Variants in CCNY observed in about 807,000 individuals in gnomAD.
The protein encoded by CCNY is cyclin Y.
Under a neutral mutation model 42.8 loss-of-function variants are expected in CCNY, and 19 were observed. The ratio of observed to expected loss-of-function variants is 0.44; its 90% confidence interval spans 0.31 to 0.65. The LOEUF is 0.65. Ranked by LOEUF, CCNY falls within the 30% of genes least tolerant of loss-of-function variation. The probability of loss-of-function intolerance (pLI) is 0.07; values close to 1 mark genes in which losing one functional copy is unlikely to be tolerated. For synonymous variants in CCNY, 165 were observed against 162.7 expected (o/e 1.01, Z -0.11); for missense variants, 370 against 437.3 (o/e 0.85, Z 1.37).
chr10:35,501,486 CT>C lies in CCNY; in HGVS notation c.230-11del. ...CAGGCATATAACATTTCTGTTGCAT[CT>C]TTTGTTTTCACAGTGAGAGAAAAAC... On this transcript the variant is annotated splice_polypyrimidine_tract_variant and intron_variant, in intron 2 of 9. Transcript: ENST00000374704. The C allele has an allele frequency of 6.2e-7, 1 of 1,613,058 alleles. No individual in the cohort carries two copies. The highest frequency in any genetic ancestry group is 1.7e-4 in the Middle Eastern group (1 of 6,060).
In CCNY at chr10:35,363,533, T is replaced by C. The variant is rs570620515; in HGVS notation, c.154+26326T>C. Among the ~76,000 whole-genome samples the C allele has an allele frequency of 1.5e-3, 225 of 152,292 alleles. 2 individuals carry two copies. The highest frequency in any genetic ancestry group is 2.4e-3 in the Non-Finnish European group (166 of 68,010). On this transcript the variant is annotated intron_variant, in intron 1 of 9. Coordinates refer to ENST00000374704, the MANE Select transcript of CCNY (RefSeq NM_145012.6). ...TAGGCTTACCTGATCAAAGTGACCC[T>C]GGAAGATTAATATGCTGGAGATGTG...
At chr10:35,385,331 C>T (rs893264263) in intron 1 of CCNY, among the ~76,000 whole-genome samples, 3 of 152,178 alleles carry the variant, frequency 2.0e-5, no homozygotes, top group African/African-American at 4.8e-5. Context: ...CCTCCCTCAC[C>T]GTTTGCCAGC....
At chr10:35,479,377 C>A (rs1839604560) in intron 1 of CCNY, among the ~76,000 whole-genome samples, 1 of 144,542 alleles carries the variant, frequency 6.9e-6, no homozygotes, top group Admixed American at 7.0e-5. Flanking sequence ...CAATGATAGA[C>A]TGGATTAAGA....
At chr10:35,568,868 CAA>C (rs1035778346) in intron 9 of CCNY, among the ~76,000 whole-genome samples, 184 bp from the exon 10 acceptor site, 9 of 152,240 alleles carry the variant, frequency 5.9e-5, no homozygotes, top group African/African-American at 9.6e-5. Context: ...TCTTGGGAAA[CAA>C]GAGCTGAGTC....
rs565007367 is a variant in CCNY at position 35,545,300 on chromosome 10, C to T, written c.580-7719C>T. 2.3e-3 allele frequency among the ~76,000 whole-genome samples: 349 copies of T among 152,310 alleles called. 1 individual carries two copies. Among genetic ancestry groups the T allele is most frequent in the African/African-American group, 8.1e-3 (338 of 41,560 alleles). The stretch of plus-strand genomic sequence containing the variant: ...TGTTAATTCCCTGGGGCTGCCAGAA[C>T]AATGTACTGCACACTGGGTGGCTTC... On this transcript the variant is annotated intron_variant, in intron 7 of 9. Transcript: ENST00000374704.
Position 35,483,440 on chromosome 10 carries a change from G to T in CCNY, c.191G>T (p.Arg64Leu). ...NMEFNPSDHPRASTIFLSKSQ... is the reference protein window; with the variant it reads ...NMEFNPSDHPLASTIFLSKSQ... ...GAATTCAATCCTTCAGATCATCCTC[G>T]GGCCAGCACAATATTCCTCAGTAAA... The change falls in exon 2 of 10, where the codon CGG becomes CTG. Residue 64 changes from arginine (R) to leucine (L), a missense_variant. Around this residue, in one of 2 missense-constraint regions of CCNY, gnomAD observed 136 missense variants for 124.2 expected, o/e 1.09. Coordinates refer to ENST00000374704, the MANE Select transcript of CCNY (RefSeq NM_145012.6). 7 of 1,608,248 alleles carry T rather than the reference G, an allele frequency of 4.4e-6. No homozygotes were observed. The highest frequency in any genetic ancestry group is 4.2e-6 in the Non-Finnish European group (5 of 1,176,480).
chr10:35,447,883 A>G (rs1310044119), intron 1 of CCNY, among the ~76,000 whole-genome samples: 1 of 152,188 alleles, frequency 6.6e-6, no homozygotes, highest in Admixed American at 6.5e-5. Context: ...AAAACAAAAG[A>G]TATGCTTTTA....
intron 1 of CCNY, among the ~76,000 whole-genome samples, chr10:35,345,888 T>TGATGCCACACAGGAGCAGTGG (rs1836291586): frequency 6.6e-6 from 1 of 152,220 alleles, no homozygotes; most frequent in African/African-American, 2.4e-5. Context: ...GAAGTCAGTG[T>TGATGCCACACAGGAGCAGTGG]GATGCCACAC....
intron 9 of CCNY, 98 bp downstream of exon 9, chr10:35,566,283 A>C: frequency 8.3e-7 from 1 of 1,209,412 alleles, no homozygotes; most frequent in Non-Finnish European, 1.2e-6. Flanking sequence ...TTCCCCCACT[A>C]CATGATGTAA....
At chr10:35,440,905 A>G (rs1307537355) in intron 1 of CCNY, among the ~76,000 whole-genome samples, 4 of 152,174 alleles carry the variant, frequency 2.6e-5, no homozygotes, top group African/African-American at 9.7e-5. Flanking sequence ...CTATTTTAAG[A>G]CATCTCTTTT....
At chr10:35,520,459 T>C (rs1564444143) in intron 4 of CCNY, among the ~76,000 whole-genome samples, 1 of 152,154 alleles carries the variant, frequency 6.6e-6, no homozygotes, top group Admixed American at 6.5e-5. Flanking sequence ...CAATCATTAA[T>C]ATTGTAGTTC....
chr10:35,559,277 C>T (rs1251385936), intron 8 of CCNY, among the ~76,000 whole-genome samples: 1 of 152,138 alleles, frequency 6.6e-6, no homozygotes, highest in African/African-American at 2.4e-5. Flanking sequence ...GACCAAATAG[C>T]GTTCTAGTGT....
At chr10:35,418,080 C>T (rs1838064960) in intron 1 of CCNY, among the ~76,000 whole-genome samples, 1 of 152,172 alleles carries the variant, frequency 6.6e-6, no homozygotes, top group Non-Finnish European at 1.5e-5. Context: ...GGGGTTTATG[C>T]TGCAAAGTAG....
At chr10:35,467,871 A>G (rs1014706361) in intron 1 of CCNY, among the ~76,000 whole-genome samples, 3 of 152,208 alleles carry the variant, frequency 2.0e-5, no homozygotes, top group African/African-American at 7.2e-5. Flanking sequence ...GACTTAGTTC[A>G]TTCTATACAA....
At chr10:35,396,284 A>G (rs1564395239) in intron 1 of CCNY, among the ~76,000 whole-genome samples, 2 of 152,214 alleles carry the variant, frequency 1.3e-5, no homozygotes, top group South Asian at 4.1e-4. Context: ...CTTTCTCTCA[A>G]CAGGTCATTT....
At chr10:35,364,805 A>G (rs1335278262) in intron 1 of CCNY, among the ~76,000 whole-genome samples, 2 of 152,178 alleles carry the variant, frequency 1.3e-5, no homozygotes, top group Admixed American at 6.6e-5. Context: ...AAAACCATCT[A>G]TTACAAACCA....
At position 35,337,039 on chromosome 10, in the gene CCNY, G is replaced by A. The variant is rs773652742; in HGVS notation, c.-15G>A. The A allele has an allele frequency of 6.5e-7, 1 of 1,545,358 alleles. No homozygotes were observed. The highest frequency in any genetic ancestry group is 8.7e-7 in the Non-Finnish European group (1 of 1,144,542). ...GGAGAACAGGATAGCAGCAGGAGTC[G>A]GGGGGCCGCCGAAGATGGGGAACAC... On this transcript the variant is annotated 5_prime_UTR_variant, in exon 1 of 10. Coordinates refer to ENST00000374704, the MANE Select transcript of CCNY (RefSeq NM_145012.6).
At chr10:35,460,475 T>C (rs759287886) in intron 1 of CCNY, among the ~76,000 whole-genome samples, 57 of 148,986 alleles carry the variant, frequency 3.8e-4, no homozygotes, top group Non-Finnish European at 4.1e-4. Context: ...CACAGGATAA[T>C]TATTAGAAGT....
intron 1 of CCNY, among the ~76,000 whole-genome samples, chr10:35,405,920 G>A (rs1312271805): frequency 6.6e-6 from 1 of 152,184 alleles, no homozygotes; most frequent in African/African-American, 2.4e-5. Flanking sequence ...TTGGCCCAGT[G>A]GCCAGATTTC....
Sources: allele counts gnomAD v4.1 joint callset (sites outside exome capture counted in the v4.1 genomes callset), GRCh38; gene constraint gnomAD v4.1.1; regional missense constraint gnomAD v4.1.1; transcripts MANE v1.5; gene names NCBI Gene and HGNC (gene_info 2026-07-23, HGNC 2026-07-21).